PCSK5: variants seen among roughly 807,000 people sequenced by gnomAD.
PCSK5 encodes prohormone convertase 5.
PCSK5 carries 129 observed loss-of-function variants against 233.2 expected under a neutral mutation model. The ratio of observed to expected loss-of-function variants is 0.55; its 90% CI spans 0.48 to 0.64. PCSK5 has a LOEUF of 0.64. PCSK5 is among the 30% of genes least tolerant of loss of function. The probability of loss-of-function intolerance (pLI) is 0.00; values close to 1 mark genes in which losing one functional copy is unlikely to be tolerated. For missense variants in PCSK5, 2,076 were observed against 2,430.1 expected (o/e 0.85, Z 3.06); for synonymous variants, 825 against 879.2 (o/e 0.94, Z 1.09).
intron 24 of PCSK5, among the ~76,000 whole-genome samples, chr9:76,264,011 G>A (rs1827261388): frequency 6.6e-6 from 1 of 152,018 alleles, no homozygotes; most frequent in Non-Finnish European, 1.5e-5. Flanking sequence ...GTCATCCTAA[G>A]CAAAAAGAAG....
chr9:76,330,871 C>T (rs1425992907), intron 33 of PCSK5, among the ~76,000 whole-genome samples: 1 of 152,136 alleles, frequency 6.6e-6, no homozygotes, highest in African/African-American at 2.4e-5. Flanking sequence ...TTCCCTCCAG[C>T]CACGTCTCCC....
At chr9:76,040,481 GTGC>G (rs1447221190) in intron 5 of PCSK5, among the ~76,000 whole-genome samples, 1 of 151,494 alleles carries the variant, frequency 6.6e-6, no homozygotes, top group Non-Finnish European at 1.5e-5. Flanking sequence ...TGGTTAATCA[GTGC>G]TCCCAACAAT....
intron 1 of PCSK5, among the ~76,000 whole-genome samples, chr9:75,920,152 C>T (rs899844592): frequency 2.6e-5 from 4 of 151,804 alleles, no homozygotes; most frequent in African/African-American, 9.7e-5. Context: ...AGTGAGACTC[C>T]GTCTCAAAAA....
Position 76,283,542 on chromosome 9 carries a change from A to T in PCSK5, c.3143-8691A>T, listed in dbSNP as rs115627121. 7.9e-3 allele frequency among the ~76,000 whole-genome samples: 1,204 copies of T among 152,358 alleles called. 13 individuals carry two copies. The highest frequency in any genetic ancestry group is 0.028 in the African/African-American group (1,149 of 41,590). On this transcript the variant is annotated intron_variant, in intron 24 of 37. Coordinates refer to ENST00000674117, the MANE Select transcript of PCSK5 (RefSeq NM_001372043.1). The stretch of plus-strand genomic sequence containing the variant: ...TTAATAGACTACAGTATAGTGTATT[A>T]CTTTTATATGCACTGGGAAACAAAA...
chr9:76,214,908 T>TA (rs1825467463), intron 20 of PCSK5, among the ~76,000 whole-genome samples: 1 of 152,198 alleles, frequency 6.6e-6, no homozygotes. Flanking sequence ...TGCCTGGACT[T>TA]ACGCTCCCCA....
chr9:76,314,254 T>G (rs1227034699), intron 30 of PCSK5, among the ~76,000 whole-genome samples: 1 of 152,202 alleles, frequency 6.6e-6, no homozygotes, highest in East Asian at 1.9e-4. Flanking sequence ...AGTCTGTATT[T>G]CTTGAGCAGT....
chr9:75,995,282 T>C (rs1002740260), intron 3 of PCSK5, among the ~76,000 whole-genome samples: 8 of 152,316 alleles, frequency 5.3e-5, no homozygotes, highest in Admixed American at 6.5e-5. Context: ...GAAGAAACCA[T>C]AAAAATCATC....
At chr9:76,342,870 C>A (rs1042219798) in intron 35 of PCSK5, among the ~76,000 whole-genome samples, 3 of 152,178 alleles carry the variant, frequency 2.0e-5, no homozygotes, top group African/African-American at 7.2e-5. Flanking sequence ...GCTCCTCCCC[C>A]TCTCTCAATC....
intron 24 of PCSK5, among the ~76,000 whole-genome samples, chr9:76,273,463 C>G (rs139931355): frequency 6.6e-6 from 1 of 151,570 alleles, no homozygotes; most frequent in East Asian, 1.9e-4. Context: ...TTCTTACATA[C>G]TATGTCTCTT....
At chr9:75,978,038 A>T (rs754264410) in intron 2 of PCSK5, among the ~76,000 whole-genome samples, 13 of 152,180 alleles carry the variant, frequency 8.5e-5, no homozygotes, top group Non-Finnish European at 1.9e-4. Flanking sequence ...TAGTAATATA[A>T]TCATCCTTGT....
At chr9:76,245,349 CAAA>C (rs959847391) in intron 24 of PCSK5, among the ~76,000 whole-genome samples, 19 of 150,594 alleles carry the variant, frequency 1.3e-4, no homozygotes, top group African/African-American at 4.6e-4. Flanking sequence ...TAAGGAATTG[CAAA>C]AAAAAGAGAA....
In PCSK5 at chr9:76,240,210, T is replaced by C. The variant is rs75370852; in HGVS notation, c.3074-406T>C. Among the ~76,000 whole-genome samples, 19 of 152,338 alleles carry C rather than the reference T, an allele frequency of 1.2e-4. No individual in the cohort carries two copies. The East Asian group carries it at 3.1e-3, about 25-fold the overall frequency. ...GACACTCAATTCTGTTTCTCCTTAATGTTTATGAATGTAGTAAAAGATTTT... is the reference window on the plus strand; with the variant it reads ...GACACTCAATTCTGTTTCTCCTTAACGTTTATGAATGTAGTAAAAGATTTT... On this transcript the variant is annotated intron_variant, in intron 23 of 37. Coordinates refer to ENST00000674117, the MANE Select transcript of PCSK5 (RefSeq NM_001372043.1).
intron 3 of PCSK5, among the ~76,000 whole-genome samples, chr9:76,003,360 G>T (rs182900849): frequency 6.6e-6 from 1 of 152,152 alleles, no homozygotes; most frequent in African/African-American, 2.4e-5. Context: ...GCAATAGAGC[G>T]AGACCCTGTC....
chr9:76,193,362 T>G (rs745479033), intron 20 of PCSK5: 8 of 1,607,446 alleles, frequency 5.0e-6, no homozygotes, highest in Non-Finnish European at 6.8e-6. Flanking sequence ...AGCAGCCATC[T>G]TAGATTTCTT....
In PCSK5 at chr9:76,097,252, T is replaced by TTTTTC. The variant is rs1469357544; in HGVS notation, c.1107+1154_1107+1155insCTTTT. 1.4e-4 allele frequency among the ~76,000 whole-genome samples: 17 copies of TTTTTC among 117,366 alleles called. 1 individual carries two copies. The highest frequency in any genetic ancestry group is 2.1e-4 in the Non-Finnish European group (12 of 57,706). The allele number at this position is 117,366 out of a possible 152,430, so 77.0% of individuals were successfully genotyped here. On this transcript the variant is annotated intron_variant, in intron 8 of 37. Coordinates refer to ENST00000674117, the MANE Select transcript of PCSK5 (RefSeq NM_001372043.1). Reference sequence around the variant, plus strand: ...CCAGCCAAAAAGTGCATTTCTTTTTTTTTTTTTTTTTTTTTTTTGAGACGG... The same window carrying TTTTTC: ...CCAGCCAAAAAGTGCATTTCTTTTTTTTTTCTTTTTTTTTTTTTTTTTTGAGACGG...
chr9:76,237,397 C>T (rs935704678), intron 22 of PCSK5, among the ~76,000 whole-genome samples: 16 of 152,122 alleles, frequency 1.1e-4, no homozygotes, highest in African/African-American at 3.9e-4. Context: ...CTATGGGAAC[C>T]AGTAGCCTTC....
intron 20 of PCSK5, among the ~76,000 whole-genome samples, chr9:76,211,268 C>G (rs1404376590): frequency 6.6e-6 from 1 of 152,164 alleles, no homozygotes; most frequent in African/African-American, 2.4e-5. Flanking sequence ...CGTATGAAGT[C>G]CTTTGCTAAG....
Position 75,940,090 on chromosome 9 carries a change from C to T in PCSK5, c.297+7607C>T, listed in dbSNP as rs527399667. 1.2e-4 allele frequency among the ~76,000 whole-genome samples: 19 copies of T among 152,322 alleles called. No individual in the cohort carries two copies. The East Asian group carries it at 3.3e-3, about 26-fold the overall frequency. ...CAATGCTGCCATACCATCCATTGTA[C>T]TTCTAAAAGGAATTTTTTCAGATCT... On this transcript the variant is annotated intron_variant, in intron 2 of 37. Coordinates refer to ENST00000674117, the MANE Select transcript of PCSK5 (RefSeq NM_001372043.1).
At chr9:76,100,768 C>A (rs1374415983) in intron 8 of PCSK5, among the ~76,000 whole-genome samples, 1 of 152,182 alleles carries the variant, frequency 6.6e-6, no homozygotes, top group Admixed American at 6.5e-5. Flanking sequence ...ATTCCTTTAC[C>A]CTTTTTCATA....
Sources: allele counts gnomAD v4.1 joint callset (sites outside exome capture counted in the v4.1 genomes callset), GRCh38; gene constraint gnomAD v4.1.1; transcripts MANE v1.5; gene names NCBI Gene and HGNC (gene_info 2026-07-23, HGNC 2026-07-21).